Variants in SAV1 observed in about 807,000 individuals in gnomAD.
The protein encoded by SAV1 is salvador family WW domain containing protein 1.
SAV1 carries 23 observed loss-of-function variants against 47.3 expected under a neutral mutation model. The observed-to-expected ratio is 0.49, with a 90% CI of 0.35 to 0.69. The LOEUF is 0.69. Among genes scored for constraint, SAV1 ranks in the 30% least tolerant of loss-of-function variants. The pLI, the probability that SAV1 is intolerant of heterozygous loss-of-function variation, is 0.01. For synonymous variants in SAV1, 155 were observed against 159.2 expected, an observed-to-expected ratio of 0.97 and a Z score of 0.20; for missense variants, 448 against 457.4, an observed-to-expected ratio of 0.98 and a Z score of 0.19.
At chr14:50,649,384 C>T (rs939315047) in intron 2 of SAV1, among the ~76,000 whole-genome samples, 6 of 152,306 alleles carry the variant, frequency 3.9e-5, no homozygotes, top group African/African-American at 1.4e-4. Context: ...GTCTCTAGAA[C>T]AGTGTCTACA....
intron 4 of SAV1, among the ~76,000 whole-genome samples, chr14:50,635,629 CAT>C (rs2039627756): frequency 6.6e-6 from 1 of 152,104 alleles, no homozygotes; most frequent in South Asian, 2.1e-4. Flanking sequence ...GCCTGGGCAA[CAT>C]AGCAAGACCC....
At chr14:50,653,694 C>T (rs1049794636) in intron 2 of SAV1, among the ~76,000 whole-genome samples, 5 of 151,908 alleles carry the variant, frequency 3.3e-5, no homozygotes, top group African/African-American at 1.2e-4. Context: ...CATGGTGAAA[C>T]CCTGTCTCTA....
rs1162592727 is a variant in SAV1, at chr14:50,633,650, AT to A, written c.*1532del. 6.5e-6 allele frequency: 1 copy of A among 152,690 alleles called. No homozygotes were observed. Among genetic ancestry groups the A allele is most frequent in the East Asian group, 1.9e-4 (1 of 5,198 alleles). The allele number at this position is 152,690 out of a possible 1,614,324, so 9.5% of individuals were successfully genotyped here. A position where few individuals can be genotyped will look rare whatever the true frequency, so the allele number is the denominator to read the frequency against. The stretch of plus-strand genomic sequence containing the variant: ...AACCACGCGCTTAGTTTCCACAAAA[AT>A]ATATTTAATAAGCTTGTTATATAAA... On this transcript the variant is annotated 3_prime_UTR_variant, in exon 5 of 5. Coordinates refer to ENST00000324679, the MANE Select transcript of SAV1 (RefSeq NM_021818.4).
chr14:50,635,158 A>C lies in SAV1; in HGVS notation c.*25T>G, dbSNP rs758227591. The C allele has an allele frequency of 2.5e-6, 4 of 1,593,004 alleles. No individual in the cohort carries two copies. The highest frequency in any genetic ancestry group is 3.4e-6 in the Non-Finnish European group (4 of 1,162,850). On this transcript the variant is annotated 3_prime_UTR_variant, in exon 5 of 5. Coordinates refer to ENST00000324679, the MANE Select transcript of SAV1 (RefSeq NM_021818.4). ...GTGAAAATATTTTAAAGCTCTTACA[A>C]AACTTAAATTTTTAAAAAATCAGCT...
Position 50,644,955 on chromosome 14 carries a change from A to T in SAV1, c.595T>A (p.Leu199Ile), listed in dbSNP as rs750748422. 9.3e-6 allele frequency: 15 copies of T among 1,613,660 alleles called. No homozygotes were observed. The highest frequency in any genetic ancestry group is 1.3e-5 in the Non-Finnish European group (15 of 1,179,964). The stretch of plus-strand genomic sequence containing the variant: ...ACAGACCAGCCAGGAGGAAGGGGTA[A>T]ATCTTCAGAACCATGGTTAGTCAAA... ...GNLTNHGSED[L>I]PLPPGWSVDW... The change falls in exon 3 of 5, where the codon TTA becomes ATA. Residue 199 changes from leucine to isoleucine, a missense_variant. By Grantham distance (5) the Leu-to-Ile change is conservative. Transcript: ENST00000324679.
chr14:50,635,910 T>C (rs2039631206), intron 4 of SAV1, among the ~76,000 whole-genome samples: 2 of 152,146 alleles, frequency 1.3e-5, no homozygotes, highest in Admixed American at 6.5e-5. Context: ...AGTTTCACCA[T>C]GTTGGCCAGG....
chr14:50,640,983 C>A lies in SAV1; in HGVS notation c.807-90G>T. ...GAACAAATAATACTTAAGCATTTTT[C>A]AGTGTGCCTTCTGTCCAAACTGACT... On this transcript the variant is annotated intron_variant, in intron 3 of 4. Coordinates refer to ENST00000324679, the MANE Select transcript of SAV1 (RefSeq NM_021818.4). 3 of 1,249,342 alleles carry A rather than the reference C, an allele frequency of 2.4e-6. No individual in the cohort carries two copies. The South Asian group carries it at 5.1e-5, about 21-fold the overall frequency. 77.4% of individuals were successfully genotyped at this position (1,249,342 alleles called of 1,614,324 possible). A position where few individuals can be genotyped will look rare whatever the true frequency, so the allele number is the denominator to read the frequency against.
chr14:50,637,627 G>C (rs1378024706), intron 4 of SAV1: 1 of 137,460 alleles, frequency 7.3e-6, no homozygotes, highest in Non-Finnish European at 1.6e-5. Context: ...TTCAAGTTTT[G>C]TCTAAAGGAA....
chr14:50,650,829 C>A (rs1161660205), intron 2 of SAV1, among the ~76,000 whole-genome samples: 3 of 152,046 alleles, frequency 2.0e-5, no homozygotes, highest in Non-Finnish European at 4.4e-5. Context: ...TGAGACCAGC[C>A]GGGCCAAGAC....
chr14:50,643,612 G>T (rs1477081487), intron 3 of SAV1, among the ~76,000 whole-genome samples: 1 of 152,162 alleles, frequency 6.6e-6, no homozygotes, highest in Non-Finnish European at 1.5e-5. Context: ...GAACAGAAAA[G>T]TAAACTCTCA....
At chr14:50,660,318 T>C (rs2039847898) in intron 2 of SAV1, among the ~76,000 whole-genome samples, 1 of 152,186 alleles carries the variant, frequency 6.6e-6, no homozygotes, top group African/African-American at 2.4e-5. Context: ...TCTTAGCTTC[T>C]CCAGTCTTGG....
chr14:50,636,238 T>C (rs2039633796), intron 4 of SAV1, among the ~76,000 whole-genome samples: 1 of 152,186 alleles, frequency 6.6e-6, no homozygotes, highest in African/African-American at 2.4e-5. Context: ...CTTTAGACCA[T>C]ATTGTGCTTG....
rs561104542 is a variant in SAV1 at position 50,636,972 on chromosome 14, T to C, written c.951-1588A>G. Among the ~76,000 whole-genome samples, 25 of 152,286 alleles carry C rather than the reference T, an allele frequency of 1.6e-4. 1 individual carries two copies. The South Asian group carries it at 4.8e-3, about 29-fold the overall frequency. ...CCAGTGGTTCTTTGATATTATACCA[T>C]TTTCTTTCAAAAGGACTGTCTAATA... On this transcript the variant is annotated intron_variant, in intron 4 of 4. Coordinates refer to ENST00000324679, the MANE Select transcript of SAV1 (RefSeq NM_021818.4).
intron 2 of SAV1, among the ~76,000 whole-genome samples, chr14:50,661,517 A>G (rs1022014552): frequency 1.3e-5 from 2 of 152,114 alleles, no homozygotes; most frequent in Non-Finnish European, 2.9e-5. Flanking sequence ...AATCTTTGTT[A>G]GATCGATGTC....
At chr14:50,653,355 C>A (rs1181735534) in intron 2 of SAV1, among the ~76,000 whole-genome samples, 6 of 152,160 alleles carry the variant, frequency 3.9e-5, no homozygotes, top group African/African-American at 1.4e-4. Context: ...ATCTAGCATT[C>A]AACCCTTCTT....
At chr14:50,654,287 C>G (rs1014686066) in intron 2 of SAV1, among the ~76,000 whole-genome samples, 2 of 152,308 alleles carry the variant, frequency 1.3e-5, no homozygotes, top group East Asian at 1.9e-4. Flanking sequence ...TATTTAATAT[C>G]CTAAATCATT....
At chr14:50,654,823 G>A (rs1037300460) in intron 2 of SAV1, among the ~76,000 whole-genome samples, 1 of 152,152 alleles carries the variant, frequency 6.6e-6, no homozygotes, top group Non-Finnish European at 1.5e-5. Context: ...TGTACCCATG[G>A]CTGCATCTTA....
intron 2 of SAV1, among the ~76,000 whole-genome samples, chr14:50,646,264 A>AAT (rs1471339687): frequency 6.6e-6 from 1 of 152,248 alleles, no homozygotes; most frequent in Non-Finnish European, 1.5e-5. Context: ...AAACTGGGTG[A>AAT]ATGTAATCTC....
chr14:50,665,249 G>A lies in SAV1; in HGVS notation c.465C>T (p.Asp155=), dbSNP rs1396947532. 3.1e-6 allele frequency: 5 copies of A among 1,613,716 alleles called. No individual in the cohort carries two copies. The highest frequency in any genetic ancestry group is 1.7e-4 in the Middle Eastern group (1 of 6,056). ...KRPLGDRAHE[D]YRYYEYNHDL... The stretch of plus-strand genomic sequence containing the variant: ...CATGGTTGTATTCATAATATCTGTA[G>A]TCTTCATGTGCACGATCTCCAAGTG... Residue 155 remains aspartate (D), a synonymous_variant, in exon 2 of 5, where the codon GAC becomes GAT. Transcript: ENST00000324679.
Sources: allele counts gnomAD v4.1 joint callset (sites outside exome capture counted in the v4.1 genomes callset), GRCh38; gene constraint gnomAD v4.1.1; transcripts MANE v1.5; gene names NCBI Gene and HGNC (gene_info 2026-07-23, HGNC 2026-07-21).